The following ANP32E variants were observed in gnomAD, a reference collection of about 807,000 sequenced individuals.
The protein encoded by ANP32E is acidic leucine-rich nuclear phosphoprotein 32 family member E.
Under a neutral mutation model 35.3 loss-of-function variants are expected in ANP32E, and 14 were observed. The ratio of observed to expected loss-of-function variants is 0.40; its 90% CI spans 0.26 to 0.62. ANP32E has a LOEUF of 0.62. ANP32E is among the 20% of genes least tolerant of loss of function. The probability of loss-of-function intolerance (pLI) is 0.45; values close to 1 mark genes in which losing one functional copy is unlikely to be tolerated. For missense variants in ANP32E, 198 were observed against 304.4 expected, an observed-to-expected ratio of 0.65 and a Z score of 2.60; for synonymous variants, 89 against 110.4, an observed-to-expected ratio of 0.81 and a Z score of 1.22.
At chr1:150,234,137 C>T (rs782784273) in intron 1 of ANP32E, among the ~76,000 whole-genome samples, 1 of 152,028 alleles carries the variant, frequency 6.6e-6, no homozygotes, top group African/African-American at 2.4e-5. Flanking sequence ...AAAAAGGCAA[C>T]GTCTTGCACA....
intron 1 of ANP32E, among the ~76,000 whole-genome samples, chr1:150,234,289 T>C (rs1649595025): frequency 2.7e-5 from 1 of 36,400 alleles, no homozygotes; most frequent in Non-Finnish European, 4.9e-5. Context: ...TTTTAAAGTT[T>C]GATTTTGGTT....
chr1:150,221,638 C>T (rs587714853), intron 6 of ANP32E, among the ~76,000 whole-genome samples: 16 of 67,926 alleles, frequency 2.4e-4, no homozygotes, highest in Middle Eastern at 0.011. Flanking sequence ...AATTATACTT[C>T]AAGTTTCCTC....
chr1:150,223,084 T>G, intron 6 of ANP32E, 102 bp downstream of exon 6: 1 of 1,334,954 alleles, frequency 7.5e-7, no homozygotes, highest in Non-Finnish European at 1.0e-6. Flanking sequence ...AAAATTGGCA[T>G]TATAGGCTCA....
rs368884324 is a variant in ANP32E at position 150,229,298 on chromosome 1, C to CTTTT, written c.328-65_328-62dup. 7.1e-3 allele frequency: 3,055 copies of CTTTT among 428,816 alleles called. 2 individuals are homozygous for CTTTT. The highest frequency in any genetic ancestry group is 8.3e-3 in the East Asian group (138 of 16,652). 26.6% of individuals were successfully genotyped at this position (428,816 alleles called of 1,614,324 possible). ...TAAAATACCATGTTATTTCTTTTTT[C>CTTTT]TTTTTTTTTTTTTTTTTTTGAGACG... On this transcript the variant is annotated intron_variant, in intron 3 of 6. Transcript: ENST00000583931.
At position 150,235,122 on chromosome 1, in the gene ANP32E, C is replaced by T. The variant is rs937488510; in HGVS notation, c.54+611G>A. Among the ~76,000 whole-genome samples, 1 of 152,220 alleles carries T rather than the reference C, an allele frequency of 6.6e-6. No individual in the cohort carries two copies. The highest frequency in any genetic ancestry group is 2.4e-5 in the African/African-American group (1 of 41,466). ...ACTCGCCCGCGGTCGGAGAACCCGC[C>T]GCTGACCCAGATTCCGCCGGGCGAA... On this transcript the variant is annotated intron_variant, in intron 1 of 6. Transcript: ENST00000583931. This position sits in a 1 kb window ranked among gnomAD's most constrained non-coding sequence, Gnocchi z 4.2.
At chr1:150,229,619 C>T (rs1461035307) in intron 3 of ANP32E, among the ~76,000 whole-genome samples, 4 of 152,224 alleles carry the variant, frequency 2.6e-5, no homozygotes, top group African/African-American at 9.6e-5. Context: ...GCTGGGATTA[C>T]AGGCATGCGC....
chr1:150,229,291 C>CTTT, intron 3 of ANP32E, 54 bp from the exon 4 acceptor site: 14 of 433,648 alleles, frequency 3.2e-5, no homozygotes, highest in South Asian at 8.2e-5. Flanking sequence ...CATGTTATTT[C>CTTT]TTTTTTCTTT....
At position 150,223,196 on chromosome 1, in the gene ANP32E, CTCT is replaced by C. The variant is rs782115431; in HGVS notation, c.723_725del (p.Glu247del). The C allele has an allele frequency of 2.0e-6, 3 of 1,521,450 alleles. No homozygotes were observed. In the Admixed American group the frequency reaches 5.8e-5, roughly 30 times the overall value. The allele number at this position is 1,521,450 out of a possible 1,614,324, so 94.2% of individuals were successfully genotyped here. On this transcript the variant is annotated inframe_deletion, in exon 6 of 7. Transcript: ENST00000583931. ...GCTAATGTAACTCACCCTCTTCTTC[CTCT>C]TCTTCCCCTTCTTCAACATAGTCAT...
At chr1:150,226,546 T>C (rs1553840045) in intron 5 of ANP32E, 62 bp downstream of exon 5, 7 of 1,583,962 alleles carry the variant, frequency 4.4e-6, no homozygotes, top group Non-Finnish European at 4.3e-6. Context: ...ACACACTTTA[T>C]ATAGTACTTA....
rs587611841 is a variant in ANP32E at position 150,230,888 on chromosome 1, G to A, written c.205-195C>T. Reference sequence around the variant, plus strand: ...CTCCCAAGTAGCTGGGATTACAGGTGCCCACCACCACACCCAGCTAACTTT... The same window carrying A: ...CTCCCAAGTAGCTGGGATTACAGGTACCCACCACCACACCCAGCTAACTTT... On this transcript the variant is annotated intron_variant, in intron 2 of 6. Transcript: ENST00000583931. 6.1e-3 allele frequency among the ~76,000 whole-genome samples: 927 copies of A among 152,020 alleles called. 2 individuals are homozygous for A. Among genetic ancestry groups the A allele is most frequent in the Non-Finnish European group, 9.6e-3 (650 of 67,978 alleles).
At chr1:150,223,116 C>A in intron 6 of ANP32E, 70 bp downstream of exon 6, 1 of 1,425,362 alleles carries the variant, frequency 7.0e-7, no homozygotes, top group East Asian at 2.4e-5. Flanking sequence ...GTATGAAATA[C>A]AAATAAATAA....
In ANP32E at chr1:150,235,930, TG is replaced by T; in HGVS notation, c.-145del. 3.2e-6 allele frequency: 2 copies of T among 633,686 alleles called. No individual in the cohort carries two copies. The highest frequency in any genetic ancestry group is 1.9e-5 in the South Asian group (1 of 52,990). The allele number at this position is 633,686 out of a possible 1,614,324, so 39.3% of individuals were successfully genotyped here. A position where few individuals can be genotyped will look rare whatever the true frequency, so the allele number is the denominator to read the frequency against. ...GCCCACTACCACCACCAGATAGGTGTGGGGGAGAAAGAAGAGAATAGCAAAT... is the reference window on the plus strand; with the variant it reads ...GCCCACTACCACCACCAGATAGGTGTGGGGAGAAAGAAGAGAATAGCAAAT... On this transcript the variant is annotated 5_prime_UTR_variant, in exon 1 of 7. Transcript: ENST00000583931. The surrounding 1 kb of genome is among the most constrained non-coding windows in gnomAD (Gnocchi z 4.2).
At position 150,218,657 on chromosome 1, in the gene ANP32E, T is replaced by C. The variant is rs1444713785; in HGVS notation, c.*2034A>G. 1 of 152,588 alleles carries C rather than the reference T, an allele frequency of 6.6e-6. No homozygotes were observed. The highest frequency in any genetic ancestry group is 2.4e-5 in the African/African-American group (1 of 41,436). The allele number at this position is 152,588 out of a possible 1,614,324, so 9.5% of individuals were successfully genotyped here. A position where few individuals can be genotyped will look rare whatever the true frequency, so the allele number is the denominator to read the frequency against. ...TGAGGAACTTAACACAATATATACA[T>C]ACTGCCATACAAAGAGCATTAAAAT... On this transcript the variant is annotated 3_prime_UTR_variant, in exon 7 of 7. Transcript: ENST00000583931.
intron 3 of ANP32E, among the ~76,000 whole-genome samples, chr1:150,229,767 C>T (rs990809475): frequency 5.9e-5 from 9 of 152,176 alleles, no homozygotes; most frequent in African/African-American, 1.4e-4. Context: ...CGTGAGCCAC[C>T]GCGCCCGGCC....
At chr1:150,222,148 C>T (rs957978957) in intron 6 of ANP32E, among the ~76,000 whole-genome samples, 15 of 151,822 alleles carry the variant, frequency 9.9e-5, no homozygotes, top group African/African-American at 3.6e-4. Flanking sequence ...AGGCCGGGTG[C>T]GGTGGCTCAC....
intron 2 of ANP32E, 83 bp from the exon 3 acceptor site, chr1:150,230,776 C>G: frequency 2.2e-6 from 3 of 1,337,414 alleles, no homozygotes; most frequent in South Asian, 2.7e-5. Context: ...TAGTCTCACT[C>G]TGTCGCCCAG....
At chr1:150,221,558 A>AGGG (rs1430044100) in intron 6 of ANP32E, among the ~76,000 whole-genome samples, 1 of 67,486 alleles carries the variant, frequency 1.5e-5, no homozygotes, top group African/African-American at 8.4e-5. Flanking sequence ...GGAGGGAGGG[A>AGGG]AGGAAAGGAA....
At chr1:150,231,358 G>A (rs1649331631) in intron 2 of ANP32E, among the ~76,000 whole-genome samples, 1 of 152,130 alleles carries the variant, frequency 6.6e-6, no homozygotes, top group Non-Finnish European at 1.5e-5. Context: ...ACTGTGGGAG[G>A]CCGAGGCAGG....
At position 150,231,807 on chromosome 1, in the gene ANP32E, G is replaced by A. The variant is rs782305005; in HGVS notation, c.174C>T (p.Ala58=). Residue 58 remains alanine (A), a synonymous_variant, in exon 2 of 7, where the codon GCC becomes GCT. Transcript: ENST00000583931. The part of the protein sequence containing the change: ...SMANVELSSL[A]RLPSLNKLRK... Reference sequence around the variant, plus strand: ...GAAGTTTATTTAAGCTGGGAAGCCGGGCCAGCGAACTTAGTTCCACATTAG... The same window carrying A: ...GAAGTTTATTTAAGCTGGGAAGCCGAGCCAGCGAACTTAGTTCCACATTAG... The A allele has an allele frequency of 6.2e-7, 1 of 1,603,290 alleles. No individual in the cohort carries two copies. The highest frequency in any genetic ancestry group is 1.8e-5 in the Admixed American group (1 of 56,312).
Sources: allele counts gnomAD v4.1 joint callset (sites outside exome capture counted in the v4.1 genomes callset), GRCh38; gene constraint gnomAD v4.1.1; non-coding constraint Gnocchi (gnomAD v3.1); transcripts MANE v1.5; gene names NCBI Gene and HGNC (gene_info 2026-07-23, HGNC 2026-07-21).